Variants in UBP1 observed in about 807,000 individuals in gnomAD.
UBP1 encodes upstream binding protein 1.
In UBP1, 22 loss-of-function variants were observed where a neutral mutation model predicts 76.1. The observed-to-expected ratio is 0.29, with a 90% CI of 0.21 to 0.41. The LOEUF is 0.41. Among genes scored for constraint, UBP1 ranks in the 10% least tolerant of loss-of-function variants. The pLI, the probability that UBP1 is intolerant of heterozygous loss-of-function variation, is 1.00. For missense variants in UBP1, 436 were observed against 668.1 expected (o/e 0.65, Z 3.83); for synonymous variants, 224 against 237.1 (o/e 0.94, Z 0.51).
chr3:33,411,173 CATT>C, intron 5 of UBP1, among the ~76,000 whole-genome samples: 1 of 151,714 alleles, frequency 6.6e-6, no homozygotes, highest in South Asian at 2.1e-4. Flanking sequence ...AATTAGTCAT[CATT>C]ATTATCCTAT....
chr3:33,440,798 T>C (rs951408936), upstream of UBP1: 1 of 152,234 alleles, frequency 6.6e-6, no homozygotes, highest in Non-Finnish European at 1.5e-5. Context: ...AAAGAGTTCA[T>C]TGGACTGCAT....
At chr3:33,398,587 G>C (rs1248107655) in intron 11 of UBP1, 1 of 152,300 alleles carries the variant, frequency 6.6e-6, no homozygotes, top group African/African-American at 2.4e-5. Context: ...GCTACTGTCA[G>C]TGCTGTGACT....
intron 10 of UBP1, among the ~76,000 whole-genome samples, 199 bp downstream of exon 10, chr3:33,400,763 G>A (rs1308802055): frequency 6.6e-6 from 1 of 152,086 alleles, no homozygotes; most frequent in African/African-American, 2.4e-5. Context: ...TCAGTATTTC[G>A]TAGCAGAGTA....
chr3:33,390,570 C>G, intron 15 of UBP1: 1 of 606,502 alleles, frequency 1.6e-6, no homozygotes, highest in South Asian at 2.0e-5. Context: ...TTTAGACATT[C>G]TGCGAAGCCT....
intron 1 of UBP1, among the ~76,000 whole-genome samples, chr3:33,438,698 C>G (rs905621587): frequency 6.6e-6 from 1 of 152,166 alleles, no homozygotes; most frequent in Admixed American, 6.5e-5. Flanking sequence ...TCTGAGAGTT[C>G]TTTATGGCTC....
At chr3:33,433,084 G>A (rs371858636) in intron 1 of UBP1, among the ~76,000 whole-genome samples, 78 of 150,004 alleles carry the variant, frequency 5.2e-4, no homozygotes, top group African/African-American at 1.6e-3. Context: ...TTTTTGAGAC[G>A]GAGTCTCACT....
At position 33,402,484 on chromosome 3, in the gene UBP1, T is replaced by C. The variant is rs979130911; in HGVS notation, c.1031+317A>G. 5.3e-5 allele frequency among the ~76,000 whole-genome samples: 8 copies of C among 152,328 alleles called. No homozygotes were observed. The East Asian group carries it at 1.5e-3, about 29-fold the overall frequency. On this transcript the variant is annotated intron_variant, in intron 9 of 15. Transcript: ENST00000283629. ...TAGTAATAAACTCACTTTGTCCCTC[T>C]CTCTCTACCTATAGACACTGTTAAT...
intron 8 of UBP1, among the ~76,000 whole-genome samples, chr3:33,405,005 T>C (rs2044379048): frequency 6.6e-6 from 1 of 152,236 alleles, no homozygotes; most frequent in Admixed American, 6.5e-5. Context: ...GTTGTTTTGA[T>C]AAATTGGTAC....
chr3:33,412,975 C>T (rs903709172), intron 3 of UBP1, 148 bp from the exon 4 acceptor site: 2 of 496,674 alleles, frequency 4.0e-6, no homozygotes, highest in Non-Finnish European at 7.3e-6. Context: ...CTCTTTTGCC[C>T]TTGGATACCT....
intron 7 of UBP1, among the ~76,000 whole-genome samples, 183 bp downstream of exon 7, chr3:33,409,053 C>T (rs2044503705): frequency 6.6e-6 from 1 of 152,142 alleles, no homozygotes; most frequent in Admixed American, 6.5e-5. Flanking sequence ...TTTAAGATCC[C>T]ACCCAGGAAA....
Position 33,425,855 on chromosome 3 carries a change from T to C in UBP1, c.114-114A>G, listed in dbSNP as rs535564949. The stretch of plus-strand genomic sequence containing the variant: ...TGAAATATTTAAAAGCATATAAACA[T>C]TTAGGGATAGTTTTTTTTTTAAGAT... On this transcript the variant is annotated intron_variant, in intron 1 of 15. Transcript: ENST00000283629. The C allele has an allele frequency of 2.8e-5, 26 of 942,524 alleles. No individual in the cohort carries two copies. The East Asian group carries it at 7.1e-4, about 26-fold the overall frequency. The allele number at this position is 942,524 out of a possible 1,614,324, so 58.4% of individuals were successfully genotyped here.
intron 1 of UBP1, among the ~76,000 whole-genome samples, chr3:33,436,602 A>C (rs796312831): frequency 4.1e-4 from 62 of 152,356 alleles, no homozygotes; most frequent in African/African-American, 1.4e-3. Context: ...TAACCTTCAA[A>C]AATATTTCAA....
intron 1 of UBP1, among the ~76,000 whole-genome samples, chr3:33,433,662 A>G (rs2154059981): frequency 6.6e-6 from 1 of 151,170 alleles, no homozygotes; most frequent in Non-Finnish European, 1.5e-5. Context: ...CTCAAAAAAA[A>G]AAGACTCTAC....
chr3:33,433,437 G>A (rs572747901), intron 1 of UBP1, among the ~76,000 whole-genome samples: 1 of 145,014 alleles, frequency 6.9e-6, no homozygotes, highest in African/African-American at 2.5e-5. Flanking sequence ...GGCAGATCAC[G>A]AAGTCAGGAG....
At chr3:33,439,114 T>C (rs979456848) in intron 1 of UBP1, among the ~76,000 whole-genome samples, 1 of 152,222 alleles carries the variant, frequency 6.6e-6, no homozygotes, top group South Asian at 2.1e-4. Flanking sequence ...TAAACAATTA[T>C]TTGTGGTGCA....
At position 33,409,545 on chromosome 3, in the gene UBP1, C is replaced by T. The variant is rs763487385; in HGVS notation, c.612G>A (p.Val204=). 1.2e-6 allele frequency: 2 copies of T among 1,614,180 alleles called. No individual in the cohort carries two copies. The highest frequency in any genetic ancestry group is 1.7e-6 in the Non-Finnish European group (2 of 1,180,016). The change falls in exon 6 of 16, where the codon GTG becomes GTA. Residue 204 remains valine, a synonymous_variant. Transcript: ENST00000283629. ...AGGTGTCAACCTGGATCCTAAAGGG[C>T]ACTCCCTTTTCACCTCCGTGCTTCC... is the stretch of plus-strand genomic sequence containing the variant. ...TPRKHGGEKG[V]PFRIQVDTFK...
intron 2 of UBP1, among the ~76,000 whole-genome samples, chr3:33,422,696 G>T (rs1257855135): frequency 6.9e-6 from 1 of 144,146 alleles, no homozygotes; most frequent in Non-Finnish European, 1.5e-5. Context: ...CTACACTCCA[G>T]TCTGGGTGAC....
At chr3:33,398,360 A>T (rs903268860) in intron 11 of UBP1, 1 of 152,246 alleles carries the variant, frequency 6.6e-6, no homozygotes, top group African/African-American at 2.4e-5. Context: ...TAATAGAGTC[A>T]TTTTATAGAG....
In UBP1 at chr3:33,416,802, G is replaced by C; in HGVS notation, c.298C>G (p.Arg100Gly). Residue 100 changes from arginine to glycine, a missense_variant, in exon 3 of 16, where the codon CGG becomes GGG. Arg to Gly is a moderately radical substitution (Grantham distance 125). Coordinates refer to ENST00000283629, the MANE Select transcript of UBP1 (RefSeq NM_014517.5). ...ATCTCAGGCATATCACCCATTTTCCGATTATCCAGCATCCGAATTTCATAT... is the reference window on the plus strand; with the variant it reads ...ATCTCAGGCATATCACCCATTTTCCCATTATCCAGCATCCGAATTTCATAT... The part of the protein sequence containing the change: ...QSYEIRMLDN[R>G]KMGDMPEING... 6.2e-7 allele frequency: 1 copy of C among 1,613,408 alleles called. No individual in the cohort carries two copies. Among genetic ancestry groups the C allele is most frequent in the Non-Finnish European group, 8.5e-7 (1 of 1,179,644 alleles).
Sources: gnomAD v4.1 joint callset for allele counts (sites outside exome capture counted in the v4.1 genomes callset) on GRCh38, gnomAD v4.1.1 for gene constraint, MANE v1.5 for transcripts, NCBI Gene and HGNC (gene_info 2026-07-23, HGNC 2026-07-21) for gene names.